Variants in PXT1 observed in about 807,000 individuals in gnomAD.
PXT1 encodes the protein peroxisomal testis-specific protein 1.
PXT1 carries 11 observed loss-of-function variants against 11.0 expected under a neutral mutation model. That is an observed-to-expected ratio of 1.00 (90% CI 0.63 to 1.66). The LOEUF (loss-of-function observed/expected upper bound fraction) is 1.66, where lower values mean the gene tolerates loss of function less well. Among genes scored for constraint, PXT1 ranks in the 40% most tolerant of loss-of-function variants. The pLI, the probability that PXT1 is intolerant of heterozygous loss-of-function variation, is 0.00. For missense variants in PXT1, 141 were observed against 155.5 expected (o/e 0.91, Z 0.49); for synonymous variants, 43 against 51.4 (o/e 0.84, Z 0.70).
chr6:36,438,645 A>G (rs187949534), intron 2 of PXT1, 122 bp downstream of exon 2: 5 of 152,074 alleles, frequency 3.3e-5, no homozygotes, highest in African/African-American at 1.2e-4. Context: ...GATGGTCTTG[A>G]TCTCCTGACC....
chr6:36,404,661 A>C (rs1774262923), intron 3 of PXT1, among the ~76,000 whole-genome samples: 1 of 152,048 alleles, frequency 6.6e-6, no homozygotes, highest in African/African-American at 2.4e-5. Flanking sequence ...ACTAAAAAAA[A>C]AAAAAGATGG....
chr6:36,413,371 G>T (rs964598584), intron 3 of PXT1, among the ~76,000 whole-genome samples: 4 of 151,492 alleles, frequency 2.6e-5, no homozygotes, highest in Non-Finnish European at 4.4e-5. Context: ...GAGCAGAGAT[G>T]TCTCCACTGC....
chr6:36,406,430 A>G (rs561313108), intron 3 of PXT1, among the ~76,000 whole-genome samples: 2 of 152,220 alleles, frequency 1.3e-5, no homozygotes, highest in South Asian at 4.1e-4. Flanking sequence ...AGCCACTTGT[A>G]AGTAAAAATT....
intron 2 of PXT1, among the ~76,000 whole-genome samples, chr6:36,432,797 A>G (rs1774710980): frequency 6.6e-6 from 1 of 152,202 alleles, no homozygotes; most frequent in Non-Finnish European, 1.5e-5. Context: ...AAGTAAACTA[A>G]AGGAGTTACA....
chr6:36,427,015 C>T (rs1441748011), intron 2 of PXT1, among the ~76,000 whole-genome samples: 5 of 141,152 alleles, frequency 3.5e-5, no homozygotes, highest in Admixed American at 7.1e-5. Context: ...CTTTTTTTTT[C>T]TTTTTTTTTT....
intron 3 of PXT1, 111 bp downstream of exon 3, chr6:36,425,803 A>ACAAAC (rs1554154130): frequency 2.9e-6 from 1 of 344,088 alleles, no homozygotes; most frequent in Non-Finnish European, 4.6e-6. Flanking sequence ...ACAAAAACAA[A>ACAAAC]AAATATATAT....
In PXT1 at chr6:36,394,738, G is replaced by A. The variant is rs560130433; in HGVS notation, c.301-2864C>T. 5.5e-5 allele frequency among the ~76,000 whole-genome samples: 8 copies of A among 145,978 alleles called. No individual in the cohort carries two copies. The East Asian group carries it at 1.6e-3, about 29-fold the overall frequency. On this transcript the variant is annotated intron_variant, in intron 4 of 4. Coordinates refer to ENST00000454782, the MANE Select transcript of PXT1 (RefSeq NM_152990.4). Reference sequence around the variant, plus strand: ...ATGTCCCGGGTTTAAAAAAAAAACTGAATTAAAAAAAAAAGCAGATACTTG... The same window carrying A: ...ATGTCCCGGGTTTAAAAAAAAAACTAAATTAAAAAAAAAAGCAGATACTTG...
intron 3 of PXT1, among the ~76,000 whole-genome samples, chr6:36,415,471 TAAAAC>T (rs1412996331): frequency 6.6e-6 from 1 of 152,080 alleles, no homozygotes; most frequent in African/African-American, 2.4e-5. Context: ...ATTAATTAAA[TAAAAC>T]AAAAAGAATT....
intron 3 of PXT1, among the ~76,000 whole-genome samples, chr6:36,412,083 G>A (rs1394707991): frequency 6.6e-6 from 1 of 152,210 alleles, no homozygotes; most frequent in African/African-American, 2.4e-5. Context: ...CAGGCGCGGT[G>A]GCTCATGCCT....
chr6:36,436,505 G>T (rs1774765896), intron 2 of PXT1, among the ~76,000 whole-genome samples: 1 of 152,178 alleles, frequency 6.6e-6, no homozygotes, highest in Non-Finnish European at 1.5e-5. Context: ...TAAGTAAGTG[G>T]GTCATAGTGG....
intron 4 of PXT1, among the ~76,000 whole-genome samples, chr6:36,394,800 G>T (rs1582244141): frequency 1.3e-5 from 2 of 150,398 alleles, no homozygotes; most frequent in African/African-American, 5.0e-5. Flanking sequence ...CAAAATAGAA[G>T]ATTTTTTTTT....
intron 2 of PXT1, among the ~76,000 whole-genome samples, chr6:36,437,287 AAAAC>A (rs148290404): frequency 0.24 from 36,641 of 151,182 alleles, 4,653 homozygotes; most frequent in East Asian, 0.38. Flanking sequence ...ACTCCATCTC[AAAAC>A]AAACAAACAA....
intron 4 of PXT1, among the ~76,000 whole-genome samples, chr6:36,395,493 ATTTTTTTTTTTTT>A (rs148553371): frequency 6.8e-5 from 5 of 73,312 alleles, no homozygotes; most frequent in Middle Eastern, 0.013. Flanking sequence ...CAAACTTAGG[ATTTTTTTTTTTTT>A]TTTTTTTTTT....
intron 3 of PXT1, among the ~76,000 whole-genome samples, chr6:36,417,213 G>T (rs1053247991): frequency 1.3e-5 from 2 of 152,110 alleles, no homozygotes; most frequent in Non-Finnish European, 2.9e-5. Flanking sequence ...CAGGCGTGGT[G>T]GCGGGCACCT....
rs377498607 is a variant in PXT1, at chr6:36,410,306, C to A, written c.170-9722G>T. Among the ~76,000 whole-genome samples the A allele has an allele frequency of 2.0e-4, 31 of 152,170 alleles. 1 individual carries two copies. In the South Asian group the frequency reaches 6.2e-3, roughly 31 times the overall value. On this transcript the variant is annotated intron_variant, in intron 3 of 4. Coordinates refer to ENST00000454782, the MANE Select transcript of PXT1 (RefSeq NM_152990.4). ...TCTCTACTAAAAATACAAAATTAGC[C>A]TGGCATGGTGGTGCATGCCTGTAAT...
chr6:36,439,349 C>G (rs1021552601), intron 1 of PXT1, among the ~76,000 whole-genome samples: 1 of 151,422 alleles, frequency 6.6e-6, no homozygotes, highest in South Asian at 2.1e-4. Flanking sequence ...TGGTGGCTCA[C>G]GCCTGTAATC....
intron 2 of PXT1, among the ~76,000 whole-genome samples, chr6:36,435,300 G>A (rs1432707963): frequency 6.6e-6 from 1 of 152,200 alleles, no homozygotes; most frequent in Non-Finnish European, 1.5e-5. Flanking sequence ...GCTTACGCCT[G>A]TAATGCCAGC....
chr6:36,422,683 G>A (rs994640243), intron 3 of PXT1, among the ~76,000 whole-genome samples: 4 of 152,102 alleles, frequency 2.6e-5, no homozygotes, highest in Non-Finnish European at 5.9e-5. Flanking sequence ...AGAGGAGGAA[G>A]GGTTGGTGAG....
chr6:36,395,493 ATTTTTTTTTT>A (rs148553371), intron 4 of PXT1, among the ~76,000 whole-genome samples: 4 of 73,312 alleles, frequency 5.5e-5, no homozygotes, highest in African/African-American at 1.1e-4. Context: ...CAAACTTAGG[ATTTTTTTTTT>A]TTTTTTTTTT....
Sources: gnomAD v4.1 joint callset for allele counts (sites outside exome capture counted in the v4.1 genomes callset) on GRCh38, gnomAD v4.1.1 for gene constraint, MANE v1.5 for transcripts, NCBI Gene and HGNC (gene_info 2026-07-23, HGNC 2026-07-21) for gene names.